Variants in ADGRE2 observed in about 807,000 individuals in gnomAD.
The protein encoded by ADGRE2 is CD97 antigen.
ADGRE2 carries 83 observed loss-of-function variants against 100.8 expected under a neutral mutation model. The ratio of observed to expected loss-of-function variants is 0.82; its 90% CI spans 0.69 to 0.99. The LOEUF (loss-of-function observed/expected upper bound fraction) is 0.99, where lower values mean the gene tolerates loss of function less well. Ranked by LOEUF, ADGRE2 falls within the 50% of genes least tolerant of loss-of-function variation. The pLI is 0.00. For synonymous variants in ADGRE2, 355 were observed against 413.0 expected (o/e 0.86, Z 1.70); for missense variants, 814 against 1,035.7 (o/e 0.79, Z 2.94).
At position 14,743,657 on chromosome 19, in the gene ADGRE2, C is replaced by T; in HGVS notation, c.2311G>A (p.Gly771Ser). 1 of 1,614,120 alleles carries T rather than the reference C, an allele frequency of 6.2e-7. No homozygotes were observed. The highest frequency in any genetic ancestry group is 8.5e-7 in the Non-Finnish European group (1 of 1,180,016). The change falls in exon 19 of 21, where the codon GGT (glycine) becomes AGT (serine). Residue 771 changes from glycine (G) to serine (S), a missense_variant. Gly to Ser is a moderately conservative substitution (Grantham distance 56). This residue lies in a region of ADGRE2 where 569 missense variants were observed against 692.7 expected (regional missense o/e 0.82). Transcript: ENST00000315576. ...YLFTIINSLQ[G>S]VFIFLVYCLL... ...CAGTACACCAGGAAGATGAAGACAC[C>T]CTGCAGGCTGTTGATGATGGTGAAG...
intron 4 of ADGRE2, among the ~76,000 whole-genome samples, chr19:14,772,896 G>A (rs192120453): frequency 2.0e-3 from 294 of 150,074 alleles, no homozygotes; most frequent in Non-Finnish European, 3.4e-3. Flanking sequence ...CCTGCCAACA[G>A]GGCAAAACCC....
chr19:14,736,671 T>G (rs3110334), intron 20 of ADGRE2, among the ~76,000 whole-genome samples: 31,282 of 137,614 alleles, frequency 0.23, 3,608 homozygotes, highest in Non-Finnish European at 0.26. Flanking sequence ...TCTAAATATA[T>G]ATATTTAGAA....
At chr19:14,729,619 C>T (rs1428234617), downstream of ADGRE2, among the ~76,000 whole-genome samples, 1 of 152,128 alleles carries the variant, frequency 6.6e-6, no homozygotes, top group Non-Finnish European at 1.5e-5. Flanking sequence ...TCCCAAAGTG[C>T]TGGGATTATG....
chr19:14,752,297 A>T, intron 15 of ADGRE2, 32 bp downstream of exon 15: 1 of 1,613,254 alleles, frequency 6.2e-7, no homozygotes, highest in Non-Finnish European at 8.5e-7. Context: ...TGCGTCAAGG[A>T]AGGGAGCCCT....
rs115754739 is a variant in ADGRE2 at position 14,761,778 on chromosome 19, T to C, written c.1084+2655A>G. Among the ~76,000 whole-genome samples the C allele has an allele frequency of 8.2e-3, 1,253 of 152,204 alleles. 10 individuals are homozygous for C. The highest frequency in any genetic ancestry group is 0.029 in the African/African-American group (1,192 of 41,526). ...CTCCATTTGCATAATAAGATTAGGG[T>C]GGGGCAGCCAGCTTCCCTGCACCTT... On this transcript the variant is annotated intron_variant, in intron 11 of 20. Transcript: ENST00000315576.
At chr19:14,746,165 A>G in intron 18 of ADGRE2, 67 bp downstream of exon 18, 1 of 933,758 alleles carries the variant, frequency 1.1e-6, no homozygotes, top group South Asian at 1.4e-5. Context: ...GTGGCTGCTG[A>G]GGCACATGGC....
At chr19:14,749,554 AGTTAT>A (rs1487290583) in intron 16 of ADGRE2, among the ~76,000 whole-genome samples, 1 of 137,588 alleles carries the variant, frequency 7.3e-6, no homozygotes, top group Non-Finnish European at 1.5e-5. Context: ...AATTATTTAT[AGTTAT>A]GTTATGTAAT....
downstream of ADGRE2, among the ~76,000 whole-genome samples, chr19:14,728,707 G>T (rs1283462112): frequency 6.6e-6 from 1 of 152,212 alleles, no homozygotes; most frequent in South Asian, 2.1e-4. Context: ...CTTAGGTCAT[G>T]TTGAATATAA....
At chr19:14,726,387 C>G in the ADGRE2 span, among the ~76,000 whole-genome samples, 1 of 152,162 alleles carries the variant, frequency 6.6e-6, no homozygotes, top group African/African-American at 2.4e-5. Context: ...GCACTTGGCT[C>G]CCTTTTAGTC....
rs933287399 is a variant in ADGRE2 at position 14,754,954 on chromosome 19, C to G, written c.1590G>C (p.Gln530His). The stretch of plus-strand genomic sequence containing the variant: ...GTGCATCCCCTCCTAAGGGTCTCAC[C>G]TGCACATCGTAGTGGGCCATGAGGA... Reference protein sequence around the residue: ...FAVLMAHYDVQEEDPVLTVIT... With the variant: ...FAVLMAHYDVHEEDPVLTVIT... The change falls in exon 14 of 21, where the codon CAG becomes CAC. Residue 530 changes from glutamine to histidine, a missense_variant and splice_region_variant. Transcript: ENST00000315576. 5 of 1,613,802 alleles carry G rather than the reference C, an allele frequency of 3.1e-6. No homozygotes were observed. In the African/African-American group the frequency reaches 4.0e-5, roughly 13 times the overall value.
chr19:14,739,299 TAAC>T (rs1241692536), intron 20 of ADGRE2, among the ~76,000 whole-genome samples: 1 of 152,186 alleles, frequency 6.6e-6, no homozygotes, highest in Non-Finnish European at 1.5e-5. Context: ...ACACCAGAGA[TAAC>T]AAGTTTTAGG....
At chr19:14,763,913 TTCCTCCTCTTCCTCCTCCCCTCCTC>T (rs2043848081) in intron 11 of ADGRE2, among the ~76,000 whole-genome samples, 1 of 114,618 alleles carries the variant, frequency 8.7e-6, no homozygotes, top group African/African-American at 3.4e-5. Context: ...CCCATCCTCT[TTCCTCCTCTTCCTCCTCCCCTCCTC>T]TCCTCCTGTC....
In ADGRE2 at chr19:14,734,333, T is replaced by C. The variant is rs1289603302; in HGVS notation, c.*1903A>G. 3 of 152,200 alleles carry C rather than the reference T, an allele frequency of 2.0e-5. No homozygotes were observed. Among genetic ancestry groups the C allele is most frequent in the Non-Finnish European group, 4.4e-5 (3 of 68,074 alleles). The allele number at this position is 152,200 out of a possible 1,614,324, so 9.4% of individuals were successfully genotyped here. A position where few individuals can be genotyped will look rare whatever the true frequency, so the allele number is the denominator to read the frequency against. On this transcript the variant is annotated 3_prime_UTR_variant, in exon 21 of 21. Transcript: ENST00000315576. ...GATTAAGACCTGAGCCTGGGCAGCA[T>C]AGTGAGACCCACGTCTCTACAAAAA...
At chr19:14,762,603 A>C (rs1348423179) in intron 11 of ADGRE2, among the ~76,000 whole-genome samples, 1 of 150,532 alleles carries the variant, frequency 6.6e-6, no homozygotes, top group African/African-American at 2.5e-5. Context: ...ATTCTACCGA[A>C]ACACACGCTT....
intron 20 of ADGRE2, among the ~76,000 whole-genome samples, chr19:14,736,864 T>TCTAAATATATAGATATC (rs1216293503): frequency 6.9e-6 from 1 of 145,678 alleles, no homozygotes; most frequent in Non-Finnish European, 1.5e-5. Flanking sequence ...TATATAGATA[T>TCTAAATATATAGATATC]TTAATATCTA....
At chr19:14,741,091 GTTTTT>G (rs71333309) in intron 20 of ADGRE2, among the ~76,000 whole-genome samples, 25 of 116,692 alleles carry the variant, frequency 2.1e-4, no homozygotes, top group South Asian at 5.9e-4. Flanking sequence ...TGAATAGGCT[GTTTTT>G]TTTTTTTTTT....
At chr19:14,752,613 A>G (rs1254922851) in intron 14 of ADGRE2, 87 bp from the exon 15 acceptor site, 4 of 1,482,886 alleles carry the variant, frequency 2.7e-6, no homozygotes, top group Non-Finnish European at 3.7e-6. Flanking sequence ...TTACTTTGGC[A>G]TAGCACATTC....
At chr19:14,770,639 T>C (rs570084604) in intron 5 of ADGRE2, among the ~76,000 whole-genome samples, 1 of 151,032 alleles carries the variant, frequency 6.6e-6, no homozygotes, top group Non-Finnish European at 1.5e-5. Flanking sequence ...GGCTTTTCTG[T>C]TTCTCTTTTT....
At chr19:14,775,860 G>GAAAAAAAAAA (rs3057586) in intron 2 of ADGRE2, among the ~76,000 whole-genome samples, 81 of 107,890 alleles carry the variant, frequency 7.5e-4, no homozygotes, top group African/African-American at 2.2e-3. Context: ...CTCCGCCTCA[G>GAAAAAAAAAA]AAAAAAAAAA....
Sources: allele counts gnomAD v4.1 joint callset (sites outside exome capture counted in the v4.1 genomes callset), GRCh38; gene constraint gnomAD v4.1.1; regional missense constraint gnomAD v4.1.1; transcripts MANE v1.5; gene names NCBI Gene and HGNC (gene_info 2026-07-23, HGNC 2026-07-21).